Variants in PARVA observed in about 807,000 individuals in gnomAD.
PARVA encodes the protein alpha-parvin.
Under a neutral mutation model 52.6 loss-of-function variants are expected in PARVA, and 25 were observed. The observed-to-expected ratio is 0.48, with a 90% CI of 0.35 to 0.66. PARVA has a LOEUF of 0.66. PARVA is among the 30% of genes least tolerant of loss of function. PARVA has a pLI of 0.01. For synonymous variants in PARVA, 185 were observed against 179.1 expected, an observed-to-expected ratio of 1.03 and a Z score of -0.26; for missense variants, 373 against 450.9, an observed-to-expected ratio of 0.83 and a Z score of 1.56.
chr11:12,463,420 T>G (rs943574017), intron 1 of PARVA, among the ~76,000 whole-genome samples: 7 of 152,158 alleles, frequency 4.6e-5, no homozygotes, highest in Non-Finnish European at 1.0e-4. Context: ...GGTCAAGTAT[T>G]TTTTAGGATG....
intron 1 of PARVA, among the ~76,000 whole-genome samples, chr11:12,416,688 C>A (rs1461908863): frequency 6.8e-6 from 1 of 147,926 alleles, no homozygotes; most frequent in Non-Finnish European, 1.5e-5. Context: ...AGAAGGAGAA[C>A]AATTTTACAA....
At chr11:12,489,543 A>G (rs924411500) in intron 4 of PARVA, among the ~76,000 whole-genome samples, 2 of 152,178 alleles carry the variant, frequency 1.3e-5, no homozygotes, top group Non-Finnish European at 2.9e-5. Context: ...CTAGAAGAAA[A>G]GAAAATGGAG....
At chr11:12,459,563 C>T (rs933920) in intron 1 of PARVA, among the ~76,000 whole-genome samples, 5,033 of 152,204 alleles carry the variant, frequency 0.033, 301 homozygotes, top group African/African-American at 0.11. Context: ...GGGAAATGAC[C>T]CAACTGTCCC....
chr11:12,488,509 C>G (rs1021602089), intron 4 of PARVA, among the ~76,000 whole-genome samples: 1 of 152,096 alleles, frequency 6.6e-6, no homozygotes, highest in African/African-American at 2.4e-5. Context: ...GTCACACATA[C>G]AGGGTCAGGA....
chr11:12,468,206 G>A (rs1311133251), intron 1 of PARVA, among the ~76,000 whole-genome samples: 1 of 152,162 alleles, frequency 6.6e-6, no homozygotes, highest in African/African-American at 2.4e-5. Context: ...CATTGCATCT[G>A]CGGGCCTACC....
intron 1 of PARVA, among the ~76,000 whole-genome samples, chr11:12,471,417 A>G (rs1023555622): frequency 1.3e-5 from 2 of 152,206 alleles, no homozygotes; most frequent in Non-Finnish European, 2.9e-5. Context: ...TGTTTGTTAC[A>G]TAGGCAAACT....
At chr11:12,481,915 A>C (rs1941091964) in intron 4 of PARVA, among the ~76,000 whole-genome samples, 1 of 152,158 alleles carries the variant, frequency 6.6e-6, no homozygotes, top group African/African-American at 2.4e-5. Flanking sequence ...CACACCTGTA[A>C]TCCCAGCACT....
At chr11:12,489,227 A>T (rs1465933494) in intron 4 of PARVA, among the ~76,000 whole-genome samples, 2 of 152,112 alleles carry the variant, frequency 1.3e-5, no homozygotes, top group East Asian at 3.8e-4. Flanking sequence ...TATGTTTAAT[A>T]TGTCAAAATA....
chr11:12,488,788 A>C lies in PARVA; in HGVS notation c.401-7670A>C, dbSNP rs565139570. ...ATGTGACTTTAAAAAATCTAAATTG[A>C]AATTTTAGTTACAAGTTGTCCCAGG... On this transcript the variant is annotated intron_variant, in intron 4 of 12. Coordinates refer to ENST00000334956, the MANE Select transcript of PARVA (RefSeq NM_018222.5). 2.2e-4 allele frequency among the ~76,000 whole-genome samples: 34 copies of C among 152,330 alleles called. No homozygotes were observed. In the East Asian group the frequency reaches 6.6e-3, roughly 29 times the overall value.
chr11:12,451,035 A>G (rs1940617084), intron 1 of PARVA, among the ~76,000 whole-genome samples: 1 of 152,188 alleles, frequency 6.6e-6, no homozygotes, highest in South Asian at 2.1e-4. Context: ...CTTCAGTCCA[A>G]TCAAGTTGAT....
chr11:12,473,755 G>T lies in PARVA; in HGVS notation c.147G>T (p.Leu49=). Residue 49 remains leucine (L), a synonymous_variant, in exon 2 of 13, where the codon CTG becomes CTT. Coordinates refer to ENST00000334956, the MANE Select transcript of PARVA (RefSeq NM_018222.5). The part of the protein sequence containing the change: ...RRKKAKEVSE[L]QEEGMNAINL... ...TTCCTTTTCTTCCAGTGTCCGAGCTGCAGGAGGAGGGAATGAACGCCATCA... is the reference window on the plus strand; with the variant it reads ...TTCCTTTTCTTCCAGTGTCCGAGCTTCAGGAGGAGGGAATGAACGCCATCA... 2 of 1,563,588 alleles carry T rather than the reference G, an allele frequency of 1.3e-6. No individual in the cohort carries two copies. Among genetic ancestry groups the T allele is most frequent in the Non-Finnish European group, 1.7e-6 (2 of 1,153,126 alleles).
At chr11:12,503,280 G>T (rs2135066560) in intron 5 of PARVA, among the ~76,000 whole-genome samples, 1 of 152,258 alleles carries the variant, frequency 6.6e-6, no homozygotes, top group African/African-American at 2.4e-5. Context: ...GAGACCTAGT[G>T]TTCCTGACTC....
chr11:12,437,401 G>C (rs1940401020), intron 1 of PARVA, among the ~76,000 whole-genome samples: 1 of 152,182 alleles, frequency 6.6e-6, no homozygotes, highest in Non-Finnish European at 1.5e-5. Flanking sequence ...CCTATCACAA[G>C]TTAATTAGCC....
At chr11:12,435,232 T>G (rs905797470) in intron 1 of PARVA, among the ~76,000 whole-genome samples, 8 of 152,160 alleles carry the variant, frequency 5.3e-5, no homozygotes, top group Non-Finnish European at 1.2e-4. Flanking sequence ...GGCTCCCCCC[T>G]CTCTCTGATC....
At chr11:12,522,567 C>T (rs12361250) in intron 12 of PARVA, among the ~76,000 whole-genome samples, 39,799 of 151,546 alleles carry the variant, frequency 0.26, 5,405 homozygotes, top group Middle Eastern at 0.33. Flanking sequence ...TACAGGCTGC[C>T]ACCACCACAC....
chr11:12,393,044 G>GGA (rs778558238), intron 1 of PARVA, among the ~76,000 whole-genome samples: 11 of 46,130 alleles, frequency 2.4e-4, no homozygotes, highest in African/African-American at 6.5e-4. Flanking sequence ...CCCAAATTGT[G>GGA]AAAAAAAAAA....
chr11:12,486,540 A>G (rs982839126), intron 4 of PARVA, among the ~76,000 whole-genome samples: 3 of 151,826 alleles, frequency 2.0e-5, no homozygotes, highest in Non-Finnish European at 4.4e-5. Context: ...TCTCAAAAAT[A>G]AAAATAAAAA....
At chr11:12,397,026 T>G (rs955094775) in intron 1 of PARVA, among the ~76,000 whole-genome samples, 4 of 151,962 alleles carry the variant, frequency 2.6e-5, no homozygotes, top group African/African-American at 9.7e-5. Flanking sequence ...TTGTTAAGAG[T>G]GTTCAGCGGT....
In PARVA at chr11:12,471,679, C is replaced by T. The variant is rs116121645; in HGVS notation, c.137-2066C>T. Among the ~76,000 whole-genome samples the T allele has an allele frequency of 5.1e-3, 774 of 152,306 alleles. 8 individuals carry two copies. The highest frequency in any genetic ancestry group is 0.017 in the African/African-American group (726 of 41,552). ...ATGATCTTGTGATGGAACCTTTCTA[C>T]ATCCATGCTGTCTGGTGTTGTAGGT... is the stretch of plus-strand genomic sequence containing the variant. On this transcript the variant is annotated intron_variant, in intron 1 of 12. Coordinates refer to ENST00000334956, the MANE Select transcript of PARVA (RefSeq NM_018222.5).
Sources: gnomAD v4.1 joint callset for allele counts (sites outside exome capture counted in the v4.1 genomes callset) on GRCh38, gnomAD v4.1.1 for gene constraint, MANE v1.5 for transcripts, NCBI Gene and HGNC (gene_info 2026-07-23, HGNC 2026-07-21) for gene names.